The following ANO10 variants were observed in gnomAD, a reference collection of about 807,000 sequenced individuals.
The protein encoded by ANO10 is anoctamin 10, also known as anoctamin-10.
In ANO10, 77 loss-of-function variants were observed where a neutral mutation model predicts 74.7. The ratio of observed to expected loss-of-function variants is 1.03; its 90% CI spans 0.86 to 1.25. The LOEUF (loss-of-function observed/expected upper bound fraction) is 1.25. Among genes scored for constraint, ANO10 ranks in the 50% most tolerant of loss-of-function variants. The pLI, the probability that ANO10 is intolerant of heterozygous loss-of-function variation, is 0.00. For missense variants in ANO10, 721 were observed against 778.1 expected, an observed-to-expected ratio of 0.93 and a Z score of 0.87; for synonymous variants, 279 against 284.9, an observed-to-expected ratio of 0.98 and a Z score of 0.21.
At chr3:43,367,237 C>A (rs949677676) in intron 12 of ANO10, among the ~76,000 whole-genome samples, 1 of 152,182 alleles carries the variant, frequency 6.6e-6, no homozygotes, top group Non-Finnish European at 1.5e-5. Flanking sequence ...GCTGGCGTCT[C>A]CTCCTCCCTG....
At chr3:43,480,682 G>A (rs1470211253) in intron 11 of ANO10, among the ~76,000 whole-genome samples, 1 of 152,144 alleles carries the variant, frequency 6.6e-6, no homozygotes, top group Non-Finnish European at 1.5e-5. Flanking sequence ...GGGAAGTGAG[G>A]ACAGAAACCC....
At chr3:43,612,140 T>TA (rs2082851608) in intron 1 of ANO10, among the ~76,000 whole-genome samples, 3 of 64,552 alleles carry the variant, frequency 4.6e-5, no homozygotes, top group Admixed American at 2.0e-4. Context: ...ATTAAATATT[T>TA]TATATATATA....
chr3:43,516,888 G>C (rs1348793056), intron 11 of ANO10, among the ~76,000 whole-genome samples: 2 of 152,178 alleles, frequency 1.3e-5, no homozygotes, highest in African/African-American at 4.8e-5. Context: ...ACAGGGGTAG[G>C]GCTCCAGGGA....
Position 43,561,247 on chromosome 3 carries a change from G to A in ANO10, c.1449C>T (p.Ile483=), listed in dbSNP as rs1226959445. ...DIDATLYEQV[I]LEKEMGTYLG... Reference sequence around the variant, plus strand: ...AATAAGTTCCCATTTCTTTTTCCAGGATGACTTGTTCATATAATGTAGCAT... The same window carrying A: ...AATAAGTTCCCATTTCTTTTTCCAGAATGACTTGTTCATATAATGTAGCAT... The change falls in exon 9 of 13, where the codon ATC becomes ATT. Residue 483 remains isoleucine (I), a synonymous_variant. Coordinates refer to ENST00000292246, the MANE Select transcript of ANO10 (RefSeq NM_018075.5). The A allele has an allele frequency of 1.2e-6, 2 of 1,613,922 alleles. No individual in the cohort carries two copies. The highest frequency in any genetic ancestry group is 4.5e-5 in the East Asian group (2 of 44,874).
At chr3:43,428,776 A>G (rs1238186782) in intron 12 of ANO10, among the ~76,000 whole-genome samples, 1 of 115,866 alleles carries the variant, frequency 8.6e-6, no homozygotes, top group African/African-American at 3.1e-5. Flanking sequence ...ATACCCCAAA[A>G]TCCTGAAACT....
intron 12 of ANO10, among the ~76,000 whole-genome samples, chr3:43,422,555 C>T (rs1362182448): frequency 6.6e-6 from 1 of 152,218 alleles, no homozygotes; most frequent in Admixed American, 6.5e-5. Flanking sequence ...ATCACTTCTA[C>T]AGCATAGTGG....
At chr3:43,398,956 G>A (rs2092431363) in intron 12 of ANO10, among the ~76,000 whole-genome samples, 1 of 152,152 alleles carries the variant, frequency 6.6e-6, no homozygotes, top group South Asian at 2.1e-4. Context: ...AGTCTCCCAA[G>A]TAGCTGAACT....
intron 4 of ANO10, among the ~76,000 whole-genome samples, chr3:43,588,432 A>G (rs2081575763): frequency 6.6e-6 from 1 of 152,282 alleles, no homozygotes; most frequent in South Asian, 2.1e-4. Flanking sequence ...TAGCCTATAT[A>G]AAAGATATTT....
intron 12 of ANO10, among the ~76,000 whole-genome samples, chr3:43,378,073 G>A (rs1373455492): frequency 5.9e-5 from 9 of 152,190 alleles, no homozygotes. Flanking sequence ...AAAGGATGAA[G>A]TAAGAGCCTA....
At chr3:43,559,239 T>C (rs1032154513) in intron 9 of ANO10, among the ~76,000 whole-genome samples, 2 of 152,184 alleles carry the variant, frequency 1.3e-5, no homozygotes, top group African/African-American at 2.4e-5. Context: ...ATACAGTTCT[T>C]AGATAAATTA....
chr3:43,417,299 A>G (rs1375832830), intron 12 of ANO10, among the ~76,000 whole-genome samples: 1 of 152,160 alleles, frequency 6.6e-6, no homozygotes, highest in Non-Finnish European at 1.5e-5. Flanking sequence ...GTGTAGTAAG[A>G]AGGAGACAAG....
At chr3:43,563,409 T>C (rs922524251) in intron 8 of ANO10, among the ~76,000 whole-genome samples, 1 of 135,546 alleles carries the variant, frequency 7.4e-6, no homozygotes, top group Non-Finnish European at 1.5e-5. Context: ...TAAAAGAGTA[T>C]GGCGAGAGGT....
intron 1 of ANO10, among the ~76,000 whole-genome samples, chr3:43,688,519 G>C (rs531824832): frequency 1.3e-5 from 2 of 152,312 alleles, no homozygotes; most frequent in South Asian, 4.1e-4. Context: ...CCTTGTATAA[G>C]AGCATGTGAC....
chr3:43,676,193 C>A lies in ANO10; in HGVS notation c.-12+15324G>T, dbSNP rs539888276. Among the ~76,000 whole-genome samples, 7 of 152,198 alleles carry A rather than the reference C, an allele frequency of 4.6e-5. No individual in the cohort carries two copies. The South Asian group carries it at 1.4e-3, about 32-fold the overall frequency. On this transcript the variant is annotated intron_variant, in intron 1 of 3. Coordinates refer to the ANO10 transcript ENST00000413397. The stretch of plus-strand genomic sequence containing the variant: ...GTTAAATATAGGCCAAGTATGGTGG[C>A]TCAGGCCTGTAATCCCAATGCTTTG...
At chr3:43,578,973 A>G (rs1168532919) in intron 5 of ANO10, among the ~76,000 whole-genome samples, 1 of 152,140 alleles carries the variant, frequency 6.6e-6, no homozygotes, top group Non-Finnish European at 1.5e-5. Flanking sequence ...TTAGGGTTTG[A>G]TCTTACAACA....
At chr3:43,472,265 A>G (rs2075886860) in intron 11 of ANO10, among the ~76,000 whole-genome samples, 1 of 152,172 alleles carries the variant, frequency 6.6e-6, no homozygotes, top group African/African-American at 2.4e-5. Flanking sequence ...GAAATTTGGA[A>G]AGGAGGATGA....
chr3:43,559,658 C>A (rs1368201872), intron 9 of ANO10, among the ~76,000 whole-genome samples: 1 of 151,968 alleles, frequency 6.6e-6, no homozygotes, highest in East Asian at 1.9e-4. Context: ...AATGAGAGTA[C>A]AGGGGATGGA....
intron 11 of ANO10, among the ~76,000 whole-genome samples, chr3:43,497,841 A>G (rs1426557376): frequency 1.3e-5 from 2 of 152,208 alleles, no homozygotes; most frequent in Non-Finnish European, 2.9e-5. Flanking sequence ...CTCAAATACA[A>G]TATTTTTGAT....
intron 1 of ANO10, among the ~76,000 whole-genome samples, chr3:43,657,161 G>A (rs2149571319): frequency 6.6e-6 from 1 of 152,338 alleles, no homozygotes; most frequent in African/African-American, 2.4e-5. Context: ...CTTCTCCAAG[G>A]AGCTCTAAGA....
Sources: allele counts gnomAD v4.1 joint callset (sites outside exome capture counted in the v4.1 genomes callset), GRCh38; gene constraint gnomAD v4.1.1; transcripts MANE v1.5; gene names NCBI Gene and HGNC (gene_info 2026-07-23, HGNC 2026-07-21).